Variants in EVA1A observed in about 807,000 individuals in gnomAD.
EVA1A encodes the protein eva-1 homolog A, regulator of programmed cell death, also known as protein eva-1 homolog A.
In EVA1A, 7 loss-of-function variants were observed where a neutral mutation model predicts 9.8. That is an observed-to-expected ratio of 0.71 (90% CI 0.41 to 1.34). EVA1A has a LOEUF of 1.34. EVA1A is among the 40% of genes most tolerant of loss of function. EVA1A has a pLI of 0.01. For synonymous variants in EVA1A, 90 were observed against 85.6 expected, an observed-to-expected ratio of 1.05 and a Z score of -0.28; for missense variants, 206 against 205.9, an observed-to-expected ratio of 1.00 and a Z score of 0.00.
upstream of EVA1A, among the ~76,000 whole-genome samples, chr2:75,563,857 C>T (rs1000718156): frequency 6.6e-6 from 1 of 152,072 alleles, no homozygotes; most frequent in Non-Finnish European, 1.5e-5. Context: ...TTGAAGGTAC[C>T]GTGTGTGGCT....
intron 1 of EVA1A, among the ~76,000 whole-genome samples, chr2:75,530,015 GA>G (rs1675585942): frequency 6.6e-6 from 1 of 152,066 alleles, no homozygotes; most frequent in African/African-American, 2.4e-5. Flanking sequence ...GATTAACCAA[GA>G]AAAGAAGAGA....
intron 1 of EVA1A, among the ~76,000 whole-genome samples, chr2:75,549,561 C>T (rs1165101294): frequency 6.6e-6 from 1 of 152,178 alleles, no homozygotes; most frequent in Non-Finnish European, 1.5e-5. Flanking sequence ...AGGGGTCCGG[C>T]AGGGATGATC....
intron 1 of EVA1A, among the ~76,000 whole-genome samples, chr2:75,566,353 C>T (rs1271171952): frequency 6.8e-6 from 1 of 147,696 alleles, no homozygotes; most frequent in African/African-American, 2.4e-5. Context: ...CCACGTTCTC[C>T]AGGCCTTGTC....
At chr2:75,546,917 A>G (rs553044905) in intron 1 of EVA1A, among the ~76,000 whole-genome samples, 96 of 151,534 alleles carry the variant, frequency 6.3e-4, no homozygotes, top group East Asian at 9.7e-4. Context: ...CAAAAAAAAA[A>G]AAAAAAAAAA....
At position 75,568,473 on chromosome 2, in the gene EVA1A, A is replaced by G. The variant is rs534706729; in HGVS notation, c.-192+1003T>C. ...TTGTCCTTTTTTTAATTTTTATTTTATTTTATTATTTTGGGAGTACAGGTG... is the reference window on the plus strand; with the variant it reads ...TTGTCCTTTTTTTAATTTTTATTTTGTTTTATTATTTTGGGAGTACAGGTG... On this transcript the variant is annotated intron_variant, in intron 1 of 3. Coordinates refer to the EVA1A transcript ENST00000233712. Among the ~76,000 whole-genome samples the G allele has an allele frequency of 8.4e-4, 128 of 151,750 alleles. 2 individuals carry two copies. Among genetic ancestry groups the G allele is most frequent in the Admixed American group, 4.3e-3 (65 of 15,220 alleles).
chr2:75,522,860 G>C (rs935556474), intron 1 of EVA1A, among the ~76,000 whole-genome samples: 1 of 152,244 alleles, frequency 6.6e-6, no homozygotes, highest in African/African-American at 2.4e-5. Context: ...CAGGAAGGGA[G>C]GGAATTCTGT....
intron 1 of EVA1A, among the ~76,000 whole-genome samples, chr2:75,549,626 C>T (rs1676457459): frequency 6.6e-6 from 1 of 152,204 alleles, no homozygotes; most frequent in African/African-American, 2.4e-5. Context: ...TCCAGGGAAC[C>T]TTCAAGCTGG....
intron 1 of EVA1A, among the ~76,000 whole-genome samples, chr2:75,559,740 CTA>C (rs1315465728): frequency 4.0e-5 from 6 of 148,728 alleles, no homozygotes; most frequent in African/African-American, 1.5e-4. Context: ...CTTGCTCAGA[CTA>C]AAAAGAAGAA....
At chr2:75,503,378 T>C (rs1674498661) in intron 3 of EVA1A, among the ~76,000 whole-genome samples, 1 of 152,232 alleles carries the variant, frequency 6.6e-6, no homozygotes, top group Non-Finnish European at 1.5e-5. Context: ...TTGTCAGTTG[T>C]TTTCCCTTAA....
chr2:75,547,751 C>A (rs1676382857), intron 1 of EVA1A, among the ~76,000 whole-genome samples: 1 of 152,198 alleles, frequency 6.6e-6, no homozygotes, highest in African/African-American at 2.4e-5. Flanking sequence ...GGCTCCCTAC[C>A]TCCATTCTCT....
At chr2:75,558,951 G>A (rs559303974) in intron 1 of EVA1A, among the ~76,000 whole-genome samples, 5 of 152,302 alleles carry the variant, frequency 3.3e-5, no homozygotes, top group South Asian at 4.1e-4. Flanking sequence ...CAATATAGCC[G>A]CATGACCTGC....
chr2:75,544,472 G>A (rs1676255043), intron 1 of EVA1A, among the ~76,000 whole-genome samples: 1 of 152,146 alleles, frequency 6.6e-6, no homozygotes. Context: ...GTAATGCAGG[G>A]CCATTCTATT....
chr2:75,555,225 G>A (rs533080442), intron 1 of EVA1A, among the ~76,000 whole-genome samples: 1 of 151,924 alleles, frequency 6.6e-6, no homozygotes, highest in African/African-American at 2.4e-5. Context: ...CAGGAAATGT[G>A]TGAATCCTAA....
chr2:75,556,039 C>T (rs989876327), intron 1 of EVA1A, among the ~76,000 whole-genome samples: 2 of 152,202 alleles, frequency 1.3e-5, no homozygotes, highest in South Asian at 2.1e-4. Context: ...TCTATTCACA[C>T]GTCCCTCATA....
At chr2:75,550,525 T>C (rs1676485451) in intron 1 of EVA1A, among the ~76,000 whole-genome samples, 1 of 152,154 alleles carries the variant, frequency 6.6e-6, no homozygotes, top group Admixed American at 6.6e-5. Flanking sequence ...TCATGCTCTA[T>C]TGAGGAATAC....
chr2:75,553,728 T>C (rs1484031247), intron 1 of EVA1A, among the ~76,000 whole-genome samples: 1 of 152,238 alleles, frequency 6.6e-6, no homozygotes, highest in African/African-American at 2.4e-5. Context: ...GATCCTACAG[T>C]GCACCCTGCT....
chr2:75,521,633 G>C (rs1675232002), intron 2 of EVA1A, among the ~76,000 whole-genome samples: 1 of 152,216 alleles, frequency 6.6e-6, no homozygotes, highest in South Asian at 2.1e-4. Context: ...TATTCATAGA[G>C]ACAGAAAGTA....
intron 1 of EVA1A, among the ~76,000 whole-genome samples, chr2:75,537,017 C>G (rs1349870741): frequency 6.6e-6 from 1 of 152,210 alleles, no homozygotes; most frequent in East Asian, 1.9e-4. Flanking sequence ...AAAGAAAACT[C>G]AAAGCCATCA....
chr2:75,543,192 T>C (rs1676198637), intron 1 of EVA1A, among the ~76,000 whole-genome samples: 2 of 152,000 alleles, frequency 1.3e-5, no homozygotes, highest in South Asian at 2.1e-4. Context: ...TTCTCTAGAA[T>C]TGCAAATAGG....
Sources: gnomAD v4.1 joint callset for allele counts (sites outside exome capture counted in the v4.1 genomes callset) on GRCh38, gnomAD v4.1.1 for gene constraint, MANE v1.5 for transcripts, NCBI Gene and HGNC (gene_info 2026-07-23, HGNC 2026-07-21) for gene names.